BAZ2B: variants seen among roughly 807,000 people sequenced by gnomAD.
The protein encoded by BAZ2B is bromodomain adjacent to zinc finger domain 2B.
In BAZ2B, 91 loss-of-function variants were observed where a neutral mutation model predicts 246.0. The observed-to-expected ratio is 0.37, with a 90% CI of 0.31 to 0.44. The LOEUF (loss-of-function observed/expected upper bound fraction) is 0.44. Ranked by LOEUF, BAZ2B falls within the 20% of genes least tolerant of loss-of-function variation. The probability of loss-of-function intolerance (pLI) is 1.00; values close to 1 mark genes in which losing one functional copy is unlikely to be tolerated. For synonymous variants in BAZ2B, 855 were observed against 860.0 expected (o/e 0.99, Z 0.10); for missense variants, 2,332 against 2,533.7 (o/e 0.92, Z 1.71).
At chr2:159,394,524 A>C (rs1265610561) in intron 20 of BAZ2B, among the ~76,000 whole-genome samples, 1 of 152,212 alleles carries the variant, frequency 6.6e-6, no homozygotes, top group Non-Finnish European at 1.5e-5. Context: ...TGTTGGAGTA[A>C]AACTTCCATA....
At chr2:159,698,357 A>G in the BAZ2B span, among the ~76,000 whole-genome samples, 1 of 151,918 alleles carries the variant, frequency 6.6e-6, no homozygotes, top group African/African-American at 2.4e-5. Context: ...CCCCAGCTCT[A>G]CAAAAAATAA....
At chr2:159,567,178 G>A (rs1420364772) in intron 1 of BAZ2B, among the ~76,000 whole-genome samples, 2 of 151,164 alleles carry the variant, frequency 1.3e-5, no homozygotes, top group African/African-American at 4.9e-5. Flanking sequence ...GGGAAGCAGA[G>A]GTTGTAGTGA....
At chr2:159,515,159 T>A (rs1559666537) in intron 2 of BAZ2B, among the ~76,000 whole-genome samples, 1 of 151,988 alleles carries the variant, frequency 6.6e-6, no homozygotes, top group African/African-American at 2.4e-5. Context: ...TACCTAATAC[T>A]ACAGTTTAAA....
chr2:159,621,470 G>A (rs1287206436), upstream of BAZ2B, among the ~76,000 whole-genome samples: 1 of 152,136 alleles, frequency 6.6e-6, no homozygotes, highest in Non-Finnish European at 1.5e-5. Context: ...TCTTGAAAAA[G>A]AGAGCTTTGC....
rs545579574 is a variant in BAZ2B at position 159,499,277 on chromosome 2, T to C, written c.-2-20556A>G. Among the ~76,000 whole-genome samples, 3 of 152,326 alleles carry C rather than the reference T, an allele frequency of 2.0e-5. No homozygotes were observed. In the South Asian group the frequency reaches 6.2e-4, roughly 32 times the overall value. On this transcript the variant is annotated intron_variant, in intron 2 of 36. Transcript: ENST00000392783. ...CACTTACACGTGAAAACATGCCATG[T>C]TTGATTTTCTGTTCTTGTGTTAGAA...
In BAZ2B at chr2:159,440,514, CT is replaced by C. The variant is rs35331041; in HGVS notation, c.697-1303del. ...CCATTATATTCCGTTTGCAATGACT[CT>C]TGTTTTTTTTTTTTTTTTTCGGGGA... On this transcript the variant is annotated intron_variant, in intron 6 of 36. Coordinates refer to ENST00000392783, the MANE Select transcript of BAZ2B (RefSeq NM_013450.4). Among the ~76,000 whole-genome samples, 344 of 61,416 alleles carry C rather than the reference CT, an allele frequency of 5.6e-3. 19 individuals are homozygous for C. Among genetic ancestry groups the C allele is most frequent in the Middle Eastern group, 0.014 (1 of 72 alleles). 40.3% of individuals were successfully genotyped at this position (61,416 alleles called of 152,430 possible).
At chr2:159,333,125 CA>C (rs2065055965) in intron 33 of BAZ2B, 1 of 152,330 alleles carries the variant, frequency 6.6e-6, no homozygotes, top group Non-Finnish European at 1.5e-5. Flanking sequence ...TTTTTAAAAT[CA>C]AAATTAGAAA....
chr2:159,390,577 C>G (rs1032509638), intron 20 of BAZ2B, among the ~76,000 whole-genome samples: 1 of 152,112 alleles, frequency 6.6e-6, no homozygotes, highest in South Asian at 2.1e-4. Context: ...TCGATTATCA[C>G]TTGTAAGCAA....
At chr2:159,663,873 T>C in the BAZ2B span, among the ~76,000 whole-genome samples, 54 of 140,926 alleles carry the variant, frequency 3.8e-4, no homozygotes, top group Non-Finnish European at 7.0e-4. Flanking sequence ...TTTTTTTTTT[T>C]TTTTTTTTTT....
intron 2 of BAZ2B, among the ~76,000 whole-genome samples, chr2:159,552,782 T>A (rs2088473568): frequency 6.6e-6 from 1 of 152,208 alleles, no homozygotes. Flanking sequence ...GTAAGATGTG[T>A]ATTAAAATAA....
chr2:159,506,261 C>T (rs929517477), intron 2 of BAZ2B, among the ~76,000 whole-genome samples: 2 of 152,080 alleles, frequency 1.3e-5, no homozygotes, highest in Non-Finnish European at 2.9e-5. Context: ...TCTATTGCTT[C>T]TTGAGGCTCT....
chr2:159,402,295 A>G (rs1017108717), intron 16 of BAZ2B, among the ~76,000 whole-genome samples: 4 of 152,060 alleles, frequency 2.6e-5, no homozygotes, highest in Admixed American at 2.0e-4. Flanking sequence ...CTAAAAATGC[A>G]AAAAATTAGC....
At chr2:159,322,191 A>G (rs1237340576) in intron 36 of BAZ2B, among the ~76,000 whole-genome samples, 1 of 152,150 alleles carries the variant, frequency 6.6e-6, no homozygotes, top group Admixed American at 6.5e-5. Flanking sequence ...CTCTATGCGT[A>G]ATGTGCTCAC....
At chr2:159,681,472 A>C in the BAZ2B span, among the ~76,000 whole-genome samples, 1 of 151,942 alleles carries the variant, frequency 6.6e-6, no homozygotes, top group Non-Finnish European at 1.5e-5. Context: ...AAAGAAACAA[A>C]TCAACATCTT....
At position 159,395,820 on chromosome 2, in the gene BAZ2B, C is replaced by T; in HGVS notation, c.3024G>A (p.Arg1008=). The change falls in exon 20 of 37, where the codon AGG becomes AGA. Residue 1008 remains arginine, a synonymous_variant. Transcript: ENST00000392783. ...CTTTCATAAGCATCATGTGTTGTCGCCTTCGCTCTCGTTCCTATTAGGCCA... is the reference window on the plus strand; with the variant it reads ...CTTTCATAAGCATCATGTGTTGTCGTCTTCGCTCTCGTTCCTATTAGGCCA... ...VLLKHQERER[R]RQHMMLMKAM... The T allele has an allele frequency of 6.2e-7, 1 of 1,611,414 alleles. No homozygotes were observed. Among genetic ancestry groups the T allele is most frequent in the Non-Finnish European group, 8.5e-7 (1 of 1,178,498 alleles).
chr2:159,621,239 T>G (rs2151859336), upstream of BAZ2B, among the ~76,000 whole-genome samples: 1 of 152,302 alleles, frequency 6.6e-6, no homozygotes, highest in South Asian at 2.1e-4. Context: ...TAGAGATTGT[T>G]TTAAATATCT....
At chr2:159,622,341 T>A in the BAZ2B span, among the ~76,000 whole-genome samples, 3 of 150,988 alleles carry the variant, frequency 2.0e-5, no homozygotes, top group African/African-American at 7.3e-5. Context: ...AGGATAAACT[T>A]GGATCTGCTC....
At chr2:159,436,926 T>A (rs2072456730) in intron 8 of BAZ2B, among the ~76,000 whole-genome samples, 1 of 152,176 alleles carries the variant, frequency 6.6e-6, no homozygotes, top group Non-Finnish European at 1.5e-5. Context: ...AATGAACTAA[T>A]GAGGGATGCA....
intron 2 of BAZ2B, among the ~76,000 whole-genome samples, chr2:159,539,789 T>C (rs1427886951): frequency 6.6e-6 from 1 of 152,238 alleles, no homozygotes; most frequent in Admixed American, 6.5e-5. Flanking sequence ...TTAAACTTTT[T>C]TTTTAAATGA....
Sources: allele counts gnomAD v4.1 joint callset (sites outside exome capture counted in the v4.1 genomes callset), GRCh38; gene constraint gnomAD v4.1.1; transcripts MANE v1.5; gene names NCBI Gene and HGNC (gene_info 2026-07-23, HGNC 2026-07-21).